The following RGL1 variants were observed in gnomAD, a reference collection of about 807,000 sequenced individuals.
RGL1 encodes the protein ral guanine nucleotide dissociation stimulator-like 1.
A neutral mutation model predicts 95.2 loss-of-function variants in RGL1; 24 were observed. The ratio of observed to expected loss-of-function variants is 0.25; its 90% CI spans 0.18 to 0.35. The LOEUF (loss-of-function observed/expected upper bound fraction) is 0.35. Among genes scored for constraint, RGL1 ranks in the 10% least tolerant of loss-of-function variants. RGL1 has a pLI of 1.00. For synonymous variants in RGL1, 329 were observed against 344.9 expected, an observed-to-expected ratio of 0.95 and a Z score of 0.51; for missense variants, 715 against 936.3, an observed-to-expected ratio of 0.76 and a Z score of 3.08.
chr1:183,853,428 A>G (rs1664949435), intron 3 of RGL1, among the ~76,000 whole-genome samples: 1 of 152,194 alleles, frequency 6.6e-6, no homozygotes, highest in Admixed American at 6.5e-5. Context: ...AGGTCACACT[A>G]TGGAAAGCAC....
chr1:183,712,857 C>G (rs1444110713), intron 1 of RGL1, among the ~76,000 whole-genome samples: 1 of 152,042 alleles, frequency 6.6e-6, no homozygotes, highest in Non-Finnish European at 1.5e-5. Context: ...TTGAAAAGTC[C>G]CTGTGGAATC....
At chr1:183,694,834 A>T (rs760321161) in intron 1 of RGL1, among the ~76,000 whole-genome samples, 2 of 152,238 alleles carry the variant, frequency 1.3e-5, no homozygotes, top group Non-Finnish European at 2.9e-5. Context: ...TCATATGGAA[A>T]GCCAAGAAAT....
chr1:183,831,482 G>A (rs1663253516), intron 2 of RGL1, among the ~76,000 whole-genome samples: 2 of 152,186 alleles, frequency 1.3e-5, no homozygotes, highest in African/African-American at 4.8e-5. Flanking sequence ...GAGGTTTTAA[G>A]TAGGGAGTGA....
At chr1:183,667,216 A>G (rs767070898) in intron 1 of RGL1, among the ~76,000 whole-genome samples, 1 of 152,092 alleles carries the variant, frequency 6.6e-6, no homozygotes, top group Non-Finnish European at 1.5e-5. Flanking sequence ...ATGTGCCTTT[A>G]TATTTAAAGT....
intron 2 of RGL1, among the ~76,000 whole-genome samples, chr1:183,765,039 G>A (rs1658893863): frequency 1.3e-5 from 2 of 152,164 alleles, no homozygotes; most frequent in African/African-American, 2.4e-5. Context: ...CATGAATTGG[G>A]TGAACTCCTC....
At chr1:183,728,757 C>A (rs911231452) in intron 1 of RGL1, among the ~76,000 whole-genome samples, 1 of 152,154 alleles carries the variant, frequency 6.6e-6, no homozygotes, top group Admixed American at 6.6e-5. Context: ...ATACAGCAAT[C>A]AAGTTGGTGT....
chr1:183,708,706 A>G (rs1450163066), intron 1 of RGL1, among the ~76,000 whole-genome samples: 1 of 152,200 alleles, frequency 6.6e-6, no homozygotes, highest in East Asian at 1.9e-4. Context: ...TGGAGAAACC[A>G]AGAGAGGCCA....
At chr1:183,726,422 A>G (rs1424784388) in intron 1 of RGL1, among the ~76,000 whole-genome samples, 2 of 152,088 alleles carry the variant, frequency 1.3e-5, no homozygotes, top group African/African-American at 2.4e-5. Flanking sequence ...TATTACCAAT[A>G]TAGATAATGA....
At chr1:183,789,122 G>A (rs1660322878) in intron 2 of RGL1, among the ~76,000 whole-genome samples, 1 of 152,312 alleles carries the variant, frequency 6.6e-6, no homozygotes, top group South Asian at 2.1e-4. Context: ...AGCACCATGA[G>A]GCAGGTACCA....
chr1:183,876,489 T>A (rs1285003654), intron 4 of RGL1, among the ~76,000 whole-genome samples: 1 of 151,994 alleles, frequency 6.6e-6, no homozygotes, highest in Non-Finnish European at 1.5e-5. Context: ...GACCGAGGAG[T>A]TTTGTTCTGT....
intron 1 of RGL1, among the ~76,000 whole-genome samples, chr1:183,706,162 T>C (rs1654900615): frequency 6.6e-6 from 1 of 151,956 alleles, no homozygotes; most frequent in Non-Finnish European, 1.5e-5. Flanking sequence ...TGTGGAGTTT[T>C]GAAAGGATGT....
At chr1:183,889,125 T>C (rs1572558535) in intron 8 of RGL1, among the ~76,000 whole-genome samples, 1 of 152,206 alleles carries the variant, frequency 6.6e-6, no homozygotes, top group African/African-American at 2.4e-5. Flanking sequence ...TCATATTTCT[T>C]GGTGCAACCG....
intron 4 of RGL1, among the ~76,000 whole-genome samples, chr1:183,874,736 A>G (rs1666387072): frequency 6.6e-6 from 1 of 152,192 alleles, no homozygotes; most frequent in Admixed American, 6.5e-5. Context: ...AGTCCAGATA[A>G]TAATATTTTC....
At chr1:183,793,011 A>G (rs1660509984) in intron 2 of RGL1, among the ~76,000 whole-genome samples, 1 of 152,196 alleles carries the variant, frequency 6.6e-6, no homozygotes, top group Non-Finnish European at 1.5e-5. Context: ...ACAAAGCTGG[A>G]GGCCTCACAC....
intron 2 of RGL1, among the ~76,000 whole-genome samples, chr1:183,766,428 A>G (rs899063462): frequency 1.4e-4 from 21 of 152,344 alleles, no homozygotes; most frequent in African/African-American, 4.8e-4. Context: ...GAGAAACTCC[A>G]GTCAATATAA....
intron 2 of RGL1, among the ~76,000 whole-genome samples, chr1:183,798,837 T>G (rs1175974292): frequency 6.6e-6 from 1 of 151,850 alleles, no homozygotes; most frequent in Non-Finnish European, 1.5e-5. Context: ...ACTTAGTATG[T>G]ATTTCAGGTC....
At chr1:183,718,105 G>A (rs1328202661) in intron 1 of RGL1, among the ~76,000 whole-genome samples, 2 of 152,046 alleles carry the variant, frequency 1.3e-5, no homozygotes, top group African/African-American at 4.8e-5. Context: ...AATCAGCTGG[G>A]CATGGTGGCA....
chr1:183,743,046 C>A (rs946096256), intron 2 of RGL1, among the ~76,000 whole-genome samples: 1 of 152,060 alleles, frequency 6.6e-6, no homozygotes, highest in African/African-American at 2.4e-5. Context: ...GGATCTTGCT[C>A]TTCTGTCCAG....
chr1:183,673,449 C>T (rs1652608643), intron 1 of RGL1, among the ~76,000 whole-genome samples: 1 of 152,144 alleles, frequency 6.6e-6, no homozygotes, highest in Non-Finnish European at 1.5e-5. Context: ...AGGAAGGGCT[C>T]TGTTCTACTT....
Sources: allele counts gnomAD v4.1 joint callset (sites outside exome capture counted in the v4.1 genomes callset), GRCh38; gene constraint gnomAD v4.1.1; transcripts MANE v1.5; gene names NCBI Gene and HGNC (gene_info 2026-07-23, HGNC 2026-07-21).